Variants in PCDH11X observed in about 807,000 individuals in gnomAD.
PCDH11X encodes protocadherin 11 X-linked.
PCDH11X carries 18 observed loss-of-function variants against 53.3 expected under a neutral mutation model. The observed-to-expected ratio is 0.34, with a 90% CI of 0.23 to 0.50. The LOEUF (loss-of-function observed/expected upper bound fraction) is 0.50. PCDH11X is among the 20% of genes least tolerant of loss of function. The pLI, the probability that PCDH11X is intolerant of heterozygous loss-of-function variation, is 0.98. For synonymous variants in PCDH11X, 279 were observed against 393.3 expected (o/e 0.71, Z 3.44); for missense variants, 570 against 1,032.4 (o/e 0.55, Z 6.14).
At chrX:92,590,680 G>A (rs1217336758) in intron 10 of PCDH11X, among the ~76,000 whole-genome samples, 1 of 111,594 alleles carries the variant, frequency 9.0e-6, no homozygotes, top group Admixed American at 9.5e-5. Flanking sequence ...CTCCTCAGTT[G>A]GGTGAAGAAT....
chrX:92,445,559 G>A (rs1377338177), intron 9 of PCDH11X, among the ~76,000 whole-genome samples: 2 of 109,567 alleles, frequency 1.8e-5, no homozygotes, highest in Non-Finnish European at 3.8e-5. Flanking sequence ...TTTTTCAGAA[G>A]AGACCAAGAA....
intron 7 of PCDH11X, among the ~76,000 whole-genome samples, chrX:92,206,968 A>G (rs2148330188): frequency 8.9e-6 from 1 of 112,091 alleles, no homozygotes; most frequent in African/African-American, 3.2e-5. Flanking sequence ...TTGAGTAAAG[A>G]AAATCAAATG....
chrX:92,342,569 C>T (rs35940058), intron 8 of PCDH11X, among the ~76,000 whole-genome samples: 9 of 111,723 alleles, frequency 8.1e-5, no homozygotes, highest in African/African-American at 2.6e-4. Context: ...GAATGCATTT[C>T]GAGGCCATTT....
intron 10 of PCDH11X, among the ~76,000 whole-genome samples, chrX:92,590,068 C>A (rs749883976): frequency 9.2e-6 from 1 of 108,591 alleles, no homozygotes; most frequent in African/African-American, 3.4e-5. Context: ...CCTGGACCAA[C>A]CAACCCCACC....
chrX:92,102,932 T>C (rs1440572496), intron 6 of PCDH11X, among the ~76,000 whole-genome samples: 2 of 111,739 alleles, frequency 1.8e-5, no homozygotes, highest in African/African-American at 6.5e-5. Context: ...GGCCATGCTG[T>C]AGCAGGCTAG....
chrX:92,482,168 A>T, intron 10 of PCDH11X, among the ~76,000 whole-genome samples: 1 of 110,408 alleles, frequency 9.1e-6, no homozygotes, highest in Non-Finnish European at 1.9e-5. Flanking sequence ...ACTCATTTGT[A>T]AAATATAAAT....
intron 8 of PCDH11X, among the ~76,000 whole-genome samples, chrX:92,376,099 G>C (rs2070748190): frequency 9.0e-6 from 1 of 111,389 alleles, no homozygotes; most frequent in Non-Finnish European, 1.9e-5. Flanking sequence ...TTAGGTCTGA[G>C]CTCATATTTG....
At chrX:92,003,920 A>G (rs1164630187) in intron 6 of PCDH11X, among the ~76,000 whole-genome samples, 3 of 109,986 alleles carry the variant, frequency 2.7e-5, no homozygotes, top group Non-Finnish European at 1.9e-5. Context: ...CTTTTCTTCT[A>G]CTAACTTTGG....
intron 9 of PCDH11X, among the ~76,000 whole-genome samples, chrX:92,453,179 T>G (rs1480838591): frequency 9.5e-6 from 1 of 105,645 alleles, no homozygotes; most frequent in Non-Finnish European, 1.9e-5. Context: ...AGAGAACAAA[T>G]GAATTCCTTT....
At chrX:91,882,768 A>G (rs2525215) in intron 6 of PCDH11X, 138 of 932,352 alleles carry the variant, frequency 1.5e-4, no homozygotes, top group Non-Finnish European at 1.9e-4. Context: ...ATTGGTATTC[A>G]CTATTGTAAA....
At chrX:92,409,749 G>T (rs745468711) in intron 9 of PCDH11X, among the ~76,000 whole-genome samples, 1 of 111,829 alleles carries the variant, frequency 8.9e-6, no homozygotes, top group Non-Finnish European at 1.9e-5. Flanking sequence ...GTGAAGATTT[G>T]GTTCTTAACT....
chrX:92,381,453 C>T (rs2070873067), intron 8 of PCDH11X, among the ~76,000 whole-genome samples: 1 of 111,888 alleles, frequency 8.9e-6, no homozygotes, highest in South Asian at 3.7e-4. Context: ...AAATTGCTAG[C>T]ATACTAGCCG....
intron 9 of PCDH11X, among the ~76,000 whole-genome samples, chrX:92,437,847 C>A (rs1219300124): frequency 2.7e-5 from 3 of 109,759 alleles, no homozygotes; most frequent in Non-Finnish European, 5.7e-5. Context: ...TATGACTAAA[C>A]CTTGCAGAGA....
At chrX:92,524,437 C>T (rs979559144) in intron 10 of PCDH11X, among the ~76,000 whole-genome samples, 1 of 101,269 alleles carries the variant, frequency 9.9e-6, no homozygotes, top group Admixed American at 1.1e-4. Flanking sequence ...ACGAATGAGA[C>T]AAGAATATTT....
In PCDH11X at chrX:92,132,324, A is replaced by G. The variant is rs1292908404; in HGVS notation, c.3034-69051A>G. Reference sequence around the variant, plus strand: ...AAAAAAAAAAAAAAAAAAAAAAAAAAGCCAGGCGCAGTGGCTCACGACGCT... The same window carrying G: ...AAAAAAAAAAAAAAAAAAAAAAAAAGGCCAGGCGCAGTGGCTCACGACGCT... On this transcript the variant is annotated intron_variant, in intron 6 of 10. Transcript: ENST00000682573. Among the ~76,000 whole-genome samples the G allele has an allele frequency of 2.7e-4, 19 of 70,722 alleles. 1 individual carries two copies. Among genetic ancestry groups the G allele is most frequent in the Admixed American group, 5.5e-4 (3 of 5,410 alleles). The allele number at this position is 70,722 out of a possible 115,157, so 61.4% of individuals were successfully genotyped here.
chrX:92,456,425 T>C (rs1423036040), intron 9 of PCDH11X, among the ~76,000 whole-genome samples: 1 of 111,523 alleles, frequency 9.0e-6, no homozygotes, highest in Non-Finnish European at 1.9e-5. Context: ...ATCAAATTTA[T>C]AGTGTATTAA....
At chrX:91,786,297 A>C (rs989485397) in intron 1 of PCDH11X, among the ~76,000 whole-genome samples, 5 of 109,066 alleles carry the variant, frequency 4.6e-5, no homozygotes, top group Non-Finnish European at 7.6e-5. Context: ...GAACGTGTAG[A>C]TTTGGGTAAA....
intron 5 of PCDH11X, among the ~76,000 whole-genome samples, chrX:91,861,704 C>A (rs1938684303): frequency 1.8e-5 from 2 of 112,035 alleles, no homozygotes; most frequent in Non-Finnish European, 3.8e-5. Flanking sequence ...GACCCAAAGT[C>A]CTGGTGGCAT....
chrX:91,898,175 G>T (rs900074918), intron 6 of PCDH11X, among the ~76,000 whole-genome samples: 1 of 109,390 alleles, frequency 9.1e-6, no homozygotes, highest in Admixed American at 9.8e-5. Context: ...CTACATAGAT[G>T]AACTCATCTA....
Sources: allele counts gnomAD v4.1 joint callset (sites outside exome capture counted in the v4.1 genomes callset), GRCh38; gene constraint gnomAD v4.1.1; transcripts MANE v1.5; gene names NCBI Gene and HGNC (gene_info 2026-07-23, HGNC 2026-07-21).